MBD6: variants seen among roughly 807,000 people sequenced by gnomAD.
MBD6 encodes the protein methyl-CpG-binding domain protein 6.
MBD6 carries 22 observed loss-of-function variants against 66.8 expected under a neutral mutation model. The ratio of observed to expected loss-of-function variants is 0.33; its 90% CI spans 0.24 to 0.47. The LOEUF is 0.47. Ranked by LOEUF, MBD6 falls within the 20% of genes least tolerant of loss-of-function variation. MBD6 has a pLI of 1.00. For missense variants in MBD6, 1,322 were observed against 1,286.9 expected (o/e 1.03, Z -0.42); for synonymous variants, 540 against 534.6 (o/e 1.01, Z -0.14).
Position 57,526,050 on chromosome 12 carries a change from C to T in MBD6, c.1082C>T (p.Pro361Leu), listed in dbSNP as rs1462193375. Residue 361 changes from proline (P) to leucine (L), a missense_variant, in exon 6 of 13, where the codon CCC becomes CTC. Physicochemically the swap from Pro to Leu is moderately conservative, Grantham distance 98. Transcript: ENST00000355673. ...PSASHSSSLR[P>L]SQRRPRRPPT... ...GCTTCCCACTCCTCATCACTTCGTC[C>T]CTCTCAGCGTCGTCCCCGCAGACCC... 4 of 1,613,678 alleles carry T rather than the reference C, an allele frequency of 2.5e-6. No homozygotes were observed. Among genetic ancestry groups the T allele is most frequent in the Admixed American group, 1.7e-5 (1 of 59,976 alleles).
chr12:57,531,143 C>G (rs1879661426), downstream of MBD6, among the ~76,000 whole-genome samples: 1 of 152,076 alleles, frequency 6.6e-6, no homozygotes, highest in Non-Finnish European at 1.5e-5. Context: ...TATATTTTTT[C>G]ATTTATCTCA....
In MBD6 at chr12:57,528,142, A is replaced by G; in HGVS notation, c.2407-5A>G. 6.3e-7 allele frequency: 1 copy of G among 1,581,750 alleles called. No individual in the cohort carries two copies. Among genetic ancestry groups the G allele is most frequent in the Non-Finnish European group, 8.6e-7 (1 of 1,169,350 alleles). On this transcript the variant is annotated splice_polypyrimidine_tract_variant and splice_region_variant and intron_variant, in intron 9 of 12. Coordinates refer to ENST00000355673, the MANE Select transcript of MBD6 (RefSeq NM_052897.4). The stretch of plus-strand genomic sequence containing the variant: ...TTGACTGAGAACTTATTTTTTTGCC[A>G]GCAGATCCCTCCAGAGCAGCCAGAA...
rs1217642457 is a variant in MBD6 at position 57,524,758 on chromosome 12, G to A, written c.152G>A (p.Arg51Gln). Residue 51 changes from arginine (R) to glutamine (Q), a missense_variant, in exon 4 of 13, where the codon CGG (arginine) becomes CAG (glutamine). Arg to Gln is a conservative substitution (Grantham distance 43, BLOSUM62 1). Coordinates refer to ENST00000355673, the MANE Select transcript of MBD6 (RefSeq NM_052897.4). ...GAGCTGTCTTCCTTGGAGCAAACCC[G>A]GAGCTACCTCCTCAGCGATGGGACC... Reference protein sequence around the residue: ...GTELSSLEQTRSYLLSDGTCK... With the variant: ...GTELSSLEQTQSYLLSDGTCK... The A allele has an allele frequency of 1.1e-5, 17 of 1,614,092 alleles. No homozygotes were observed. Among genetic ancestry groups the A allele is most frequent in the African/African-American group, 1.3e-5 (1 of 74,928 alleles).
intron 7 of MBD6, 133 bp from the exon 8 acceptor site, chr12:57,527,374 C>T: frequency 8.1e-7 from 1 of 1,238,502 alleles, no homozygotes; most frequent in South Asian, 1.4e-5. Context: ...AGGATGACTG[C>T]AAGAATTGGG....
upstream of MBD6, chr12:57,522,767 G>GGCGGCGGCGGCGGCGGCA (rs1389950261): frequency 4.7e-4 from 75 of 158,588 alleles, 1 homozygote; most frequent in South Asian, 2.1e-3. Flanking sequence ...CGACGGCGGC[G>GGCGGCGGCGGCGGCGGCA]GCGGCAGCGG....
At position 57,529,379 on chromosome 12, in the gene MBD6, C is replaced by T; in HGVS notation, c.*145C>T. The T allele has an allele frequency of 1.5e-6, 1 of 679,540 alleles. No individual in the cohort carries two copies. The highest frequency in any genetic ancestry group is 2.7e-5 in the Admixed American group (1 of 37,460). The allele number at this position is 679,540 out of a possible 1,614,324, so 42.1% of individuals were successfully genotyped here. A position where few individuals can be genotyped will look rare whatever the true frequency, so the allele number is the denominator to read the frequency against. ...AGCACAAATGCAACTCCTTCCCCTA[C>T]AATCCCATCCTGAGCCATTGCAGGG... On this transcript the variant is annotated 3_prime_UTR_variant, in exon 13 of 13. Coordinates refer to ENST00000355673, the MANE Select transcript of MBD6 (RefSeq NM_052897.4).
upstream of MBD6, among the ~76,000 whole-genome samples, chr12:57,522,570 C>G (rs1164505004): frequency 3.8e-5 from 5 of 132,068 alleles, no homozygotes; most frequent in Admixed American, 3.8e-4. Flanking sequence ...GCGGGGGGGC[C>G]GCGTGGGGTG....
Position 57,528,173 on chromosome 12 carries a change from CT to C in MBD6, c.2434del (p.Cys812ValfsTer23). 3 of 1,606,762 alleles carry C rather than the reference CT, an allele frequency of 1.9e-6. No homozygotes were observed. Among genetic ancestry groups the C allele is most frequent in the Non-Finnish European group, 8.5e-7 (1 of 1,177,776 alleles). On this transcript the variant is annotated frameshift_variant, in exon 10 of 13. Transcript: ENST00000355673. LOFTEE classifies it high-confidence loss of function. Reference sequence around the variant, plus strand: ...TCCCTCCAGAGCAGCCAGAAGCCCCCTGTCTACCCCCCGAGAGCCCTGCCTC... The same window carrying C: ...TCCCTCCAGAGCAGCCAGAAGCCCCCGTCTACCCCCCGAGAGCCCTGCCTC... ...QIPPEQPEAP[C>X]LPPESPASAL... is the part of the protein sequence containing the mutation.
chr12:57,528,726 T>C lies in MBD6; in HGVS notation c.2873+8T>C. The C allele has an allele frequency of 6.2e-7, 1 of 1,614,196 alleles. No homozygotes were observed. Among genetic ancestry groups the C allele is most frequent in the Non-Finnish European group, 8.5e-7 (1 of 1,180,026 alleles). On this transcript the variant is annotated splice_region_variant and intron_variant, in intron 11 of 12. Coordinates refer to ENST00000355673, the MANE Select transcript of MBD6 (RefSeq NM_052897.4). ...CCGTAGGAGAAAATACAAGTGAGTG[T>C]TGGGCCTACTATAGTGCTGGCCTTT...
At position 57,527,980 on chromosome 12, in the gene MBD6, C is replaced by A; in HGVS notation, c.2369C>A (p.Ala790Asp). ...GGGAPPPLSE[A>D]SSPLACLLQS... ...GGAGCTCCTCCACCCCTCTCAGAGG[C>A]TTCTAGTCCCCTAGCCTGCCTGCTA... is the stretch of plus-strand genomic sequence containing the variant. The change falls in exon 9 of 13, where the codon GCT becomes GAT. Residue 790 changes from alanine to aspartate, a missense_variant. Ala to Asp is a moderately radical substitution (Grantham distance 126, BLOSUM62 -2). Coordinates refer to ENST00000355673, the MANE Select transcript of MBD6 (RefSeq NM_052897.4). 1 of 1,565,786 alleles carries A rather than the reference C, an allele frequency of 6.4e-7. No homozygotes were observed. Among genetic ancestry groups the A allele is most frequent in the Non-Finnish European group, 8.6e-7 (1 of 1,160,502 alleles).
upstream of MBD6, chr12:57,521,923 G>A (rs960738014): frequency 6.6e-6 from 1 of 152,168 alleles, no homozygotes; most frequent in Non-Finnish European, 1.5e-5. Flanking sequence ...CTTGCCAAGG[G>A]ATCTTACCGT....
At chr12:57,530,211 C>G (rs1565673879), downstream of MBD6, 1 of 152,972 alleles carries the variant, frequency 6.5e-6, no homozygotes, top group South Asian at 2.1e-4. Context: ...AATTTAAATC[C>G]ATCTCTTGTA....
At chr12:57,521,778 A>G (rs1240969886), upstream of MBD6, 1 of 152,230 alleles carries the variant, frequency 6.6e-6, no homozygotes, top group Non-Finnish European at 1.5e-5. Flanking sequence ...GGAGCGCGGC[A>G]CAGGCCTGCC....
At chr12:57,528,637 T>C in intron 10 of MBD6, 29 bp from the exon 11 acceptor site, 1 of 1,613,900 alleles carries the variant, frequency 6.2e-7, no homozygotes, top group African/African-American at 1.3e-5. Flanking sequence ...TTTCGAAATT[T>C]CCCACACACA....
Position 57,527,619 on chromosome 12 carries a change from C to A in MBD6, c.2195C>A (p.Pro732His). ...AAGGCCCCCTCCAACTCAGGGAGAC[C>A]CCCCCAACTCCTTAGCCCTCTGCTG... ...LGKAPSNSGR[P>H]PQLLSPLLGA... is the part of the protein sequence containing the mutation. The change falls in exon 8 of 13, where the codon CCC becomes CAC. Residue 732 changes from proline (P) to histidine (H), a missense_variant. Physicochemically the swap from Pro to His is moderately conservative, Grantham distance 77. Coordinates refer to ENST00000355673, the MANE Select transcript of MBD6 (RefSeq NM_052897.4). The A allele has an allele frequency of 6.2e-7, 1 of 1,611,394 alleles. No individual in the cohort carries two copies. The highest frequency in any genetic ancestry group is 1.1e-5 in the South Asian group (1 of 90,840).
Position 57,527,948 on chromosome 12 carries a change from T to TGG in MBD6, c.2344_2345dup (p.Ala783GlufsTer13), listed in dbSNP as rs746267361. 2 of 1,592,512 alleles carry TGG rather than the reference T, an allele frequency of 1.3e-6. No individual in the cohort carries two copies. ...GCCAGTTGGGGCTGCAGCTCCTCCC[T>TGG]GGGGGGGGAGCTCCTCCACCCCTCT... On this transcript the variant is annotated frameshift_variant, in exon 9 of 13. Transcript: ENST00000355673. LOFTEE classifies it high-confidence loss of function.
chr12:57,523,147 C>G (rs1384416367), intron 1 of MBD6, 136 bp downstream of exon 1: 2 of 146,782 alleles, frequency 1.4e-5, no homozygotes, highest in Non-Finnish European at 3.0e-5. Flanking sequence ...CGCCGCTTCT[C>G]CCTCTCACTG....
intron 7 of MBD6, 41 bp from the exon 8 acceptor site, chr12:57,527,466 A>G (rs1175327848): frequency 1.9e-6 from 3 of 1,607,338 alleles, no homozygotes; most frequent in African/African-American, 2.7e-5. Flanking sequence ...TCTGTTGAGT[A>G]TTTTACACGC....
At chr12:57,530,674 A>G, downstream of MBD6, 5 of 1,610,524 alleles carry the variant, frequency 3.1e-6, no homozygotes, top group Non-Finnish European at 4.2e-6. Context: ...CCTGTTCTCC[A>G]GCTCCCAAAT....
Sources: gnomAD v4.1 joint callset for allele counts (sites outside exome capture counted in the v4.1 genomes callset) on GRCh38, gnomAD v4.1.1 for gene constraint, MANE v1.5 for transcripts, NCBI Gene and HGNC (gene_info 2026-07-23, HGNC 2026-07-21) for gene names.